The following MYBL1 variants were observed in gnomAD, a reference collection of about 807,000 sequenced individuals.
MYBL1 encodes MYB proto-oncogene like 1, also known as myb-related protein A.
A neutral mutation model predicts 96.3 loss-of-function variants in MYBL1; 17 were observed. The ratio of observed to expected loss-of-function variants is 0.18; its 90% CI spans 0.12 to 0.26. The LOEUF (loss-of-function observed/expected upper bound fraction) is 0.26. MYBL1 is among the 10% of genes least tolerant of loss of function. MYBL1 has a pLI of 1.00. For synonymous variants in MYBL1, 282 were observed against 292.7 expected, an observed-to-expected ratio of 0.96 and a Z score of 0.37; for missense variants, 701 against 882.9, an observed-to-expected ratio of 0.79 and a Z score of 2.61.
chr8:66,564,936 A>T, intron 15 of MYBL1, 111 bp from the exon 16 acceptor site: 2 of 614,916 alleles, frequency 3.3e-6, no homozygotes, highest in Non-Finnish European at 4.9e-6. Context: ...TATAAACAAT[A>T]ATTATAAAAA....
chr8:66,583,007 C>T (rs1563537063), intron 8 of MYBL1, among the ~76,000 whole-genome samples: 1 of 152,144 alleles, frequency 6.6e-6, no homozygotes, highest in Non-Finnish European at 1.5e-5. Context: ...ATGAGCCTAA[C>T]AGACATCTAC....
At chr8:66,601,572 C>A (rs2130007982) in intron 3 of MYBL1, 126 bp downstream of exon 3, 1 of 588,350 alleles carries the variant, frequency 1.7e-6, no homozygotes, top group Non-Finnish European at 3.0e-6. Flanking sequence ...CAGACCAAAC[C>A]AACAGGGATG....
intron 1 of MYBL1, chr8:66,612,599 G>A (rs1032238342): frequency 4.7e-6 from 2 of 425,520 alleles, no homozygotes; most frequent in Non-Finnish European, 8.0e-6. Context: ...GAGAAACCTG[G>A]GCATCTCTTA....
In MYBL1 at chr8:66,597,682, A is replaced by C. The variant is rs1428789713; in HGVS notation, c.292-132T>G. On this transcript the variant is annotated intron_variant, in intron 4 of 15. Transcript: ENST00000522677. ...TACAATTTGTTAAAAAAAAATTACCAATAAATACCCCTTTAGCATTTGCCA... is the reference window on the plus strand; with the variant it reads ...TACAATTTGTTAAAAAAAAATTACCCATAAATACCCCTTTAGCATTTGCCA... 5 of 617,042 alleles carry C rather than the reference A, an allele frequency of 8.1e-6. No homozygotes were observed. The Admixed American group carries it at 1.3e-4, about 16-fold the overall frequency. The allele number at this position is 617,042 out of a possible 1,614,324, so 38.2% of individuals were successfully genotyped here.
chr8:66,589,403 CCT>C (rs903873405), intron 8 of MYBL1, among the ~76,000 whole-genome samples: 2 of 151,954 alleles, frequency 1.3e-5, no homozygotes, highest in Admixed American at 6.6e-5. Flanking sequence ...GCCTCAAACC[CCT>C]GAGCTTAAAC....
chr8:66,612,790 C>T, intron 1 of MYBL1, 29 bp downstream of exon 1: 2 of 1,352,428 alleles, frequency 1.5e-6, no homozygotes, highest in Non-Finnish European at 1.9e-6. Flanking sequence ...ACGGCGCCGA[C>T]AGGCCTGGGC....
intron 3 of MYBL1, among the ~76,000 whole-genome samples, chr8:66,599,799 C>A (rs1809996778): frequency 1.3e-5 from 2 of 149,894 alleles, no homozygotes; most frequent in Admixed American, 1.3e-4. Flanking sequence ...AAACTCTCAT[C>A]TCAAAAAAAA....
rs898478804 is a variant in MYBL1 at position 66,563,885 on chromosome 8, T to C, written c.*812A>G. ...CAAAATTATTCTTTACTGTGTTAGC[T>C]GTAATAACAGGAAACAACATTGGCT... On this transcript the variant is annotated 3_prime_UTR_variant, in exon 16 of 16. Coordinates refer to ENST00000522677, the MANE Select transcript of MYBL1 (RefSeq NM_001080416.4). 3.3e-5 allele frequency: 5 copies of C among 152,490 alleles called. No individual in the cohort carries two copies. The highest frequency in any genetic ancestry group is 7.2e-5 in the African/African-American group (3 of 41,442). 9.4% of individuals were successfully genotyped at this position (152,490 alleles called of 1,614,324 possible). A position where few individuals can be genotyped will look rare whatever the true frequency, so the allele number is the denominator to read the frequency against.
chr8:66,613,063 C>T lies in MYBL1; in HGVS notation c.-225G>A, dbSNP rs1333509034. On this transcript the variant is annotated 5_prime_UTR_variant, in exon 1 of 16. Transcript: ENST00000522677. ...CCGCAGCGCCGCTCTTAGCCCCGGC[C>T]CGGCCCGGCCAGGGATACCCCCAAC... The T allele has an allele frequency of 7.0e-6, 3 of 430,894 alleles. No individual in the cohort carries two copies. In the East Asian group the frequency reaches 1.1e-4, roughly 15 times the overall value. 26.7% of individuals were successfully genotyped at this position (430,894 alleles called of 1,614,324 possible).
At chr8:66,609,958 G>A (rs1810465652) in intron 1 of MYBL1, among the ~76,000 whole-genome samples, 1 of 151,850 alleles carries the variant, frequency 6.6e-6, no homozygotes, top group Non-Finnish European at 1.5e-5. Flanking sequence ...AGTAAAATTG[G>A]TTCCTATACA....
intron 1 of MYBL1, among the ~76,000 whole-genome samples, chr8:66,610,841 C>T (rs946459694): frequency 2.6e-5 from 4 of 152,158 alleles, no homozygotes; most frequent in Non-Finnish European, 5.9e-5. Context: ...TTTCTCCCCA[C>T]ATCCTCTATC....
intron 8 of MYBL1, among the ~76,000 whole-genome samples, chr8:66,585,557 A>T (rs1809383775): frequency 6.6e-6 from 1 of 152,130 alleles, no homozygotes; most frequent in Non-Finnish European, 1.5e-5. Context: ...CCTGGCCAAC[A>T]TGGTGAAACC....
chr8:66,599,731 T>C (rs28432871), intron 3 of MYBL1, among the ~76,000 whole-genome samples: 20,235 of 150,766 alleles, frequency 0.13, 3,213 homozygotes, highest in African/African-American at 0.38. Context: ...ACCCAGGAGG[T>C]GGAGGTTGCG....
At chr8:66,598,984 C>A in intron 4 of MYBL1, 66 bp downstream of exon 4, 1 of 1,064,980 alleles carries the variant, frequency 9.4e-7, no homozygotes. Context: ...TATGTCAAAA[C>A]AACACATTAA....
chr8:66,599,598 C>T lies in MYBL1; in HGVS notation c.199-456G>A, dbSNP rs150831789. Reference sequence around the variant, plus strand: ...GGTGGATCACCTGAGGTCTGGAGTTCGAGACCAGCCTGACCAACATGGAGA... The same window carrying T: ...GGTGGATCACCTGAGGTCTGGAGTTTGAGACCAGCCTGACCAACATGGAGA... On this transcript the variant is annotated intron_variant, in intron 3 of 15. Transcript: ENST00000522677. Among the ~76,000 whole-genome samples, 25 of 152,116 alleles carry T rather than the reference C, an allele frequency of 1.6e-4. No individual in the cohort carries two copies. The East Asian group carries it at 4.4e-3, about 27-fold the overall frequency.
intron 8 of MYBL1, among the ~76,000 whole-genome samples, chr8:66,585,033 A>T (rs1401792246): frequency 6.6e-6 from 1 of 152,208 alleles, no homozygotes; most frequent in Non-Finnish European, 1.5e-5. Context: ...AGTAGCAAAA[A>T]CAATGCTAAA....
Position 66,576,315 on chromosome 8 carries a change from T to C in MYBL1, c.1162A>G (p.Ile388Val), listed in dbSNP as rs1318508920. The change falls in exon 10 of 16, where the codon ATC (isoleucine) becomes GTC (valine). Residue 388 changes from isoleucine (I) to valine (V), a missense_variant. Ile to Val is a conservative substitution (Grantham distance 29, BLOSUM62 3). This residue lies in a region of MYBL1 where 396 missense variants were observed against 407.4 expected (regional missense o/e 0.97). Coordinates refer to ENST00000522677, the MANE Select transcript of MYBL1 (RefSeq NM_001080416.4). Reference protein sequence around the residue: ...FDISDAAASPIKSTPVKLMRI... With the variant: ...FDISDAAASPVKSTPVKLMRI... ...ATTAATTTAACTGGGGTGGATTTGA[T>C]AGGAGAAGCAGCAGCATCAGAAATA... 6.2e-7 allele frequency: 1 copy of C among 1,613,940 alleles called. No homozygotes were observed. The highest frequency in any genetic ancestry group is 1.3e-5 in the African/African-American group (1 of 75,048).
chr8:66,604,093 C>T (rs1174021200), intron 1 of MYBL1, among the ~76,000 whole-genome samples: 1 of 151,928 alleles, frequency 6.6e-6, no homozygotes, highest in African/African-American at 2.4e-5. Context: ...CGAACACACA[C>T]ATAGATAAAT....
In MYBL1 at chr8:66,601,776, A is replaced by G; in HGVS notation, c.127-7T>C. 6.9e-7 allele frequency: 1 copy of G among 1,459,588 alleles called. No homozygotes were observed. Among genetic ancestry groups the G allele is most frequent in the Non-Finnish European group, 9.3e-7 (1 of 1,070,880 alleles). The allele number at this position is 1,459,588 out of a possible 1,614,324, so 90.4% of individuals were successfully genotyped here. A position where few individuals can be genotyped will look rare whatever the true frequency, so the allele number is the denominator to read the frequency against. On this transcript the variant is annotated splice_polypyrimidine_tract_variant and splice_region_variant and intron_variant, in intron 2 of 15. Transcript: ENST00000522677. ...ACTTCTTTAATTTATCATCCTATTA[A>G]AACAGTACAAAAATTAGAAAGCTTT...
Sources: gnomAD v4.1 joint callset for allele counts (sites outside exome capture counted in the v4.1 genomes callset) on GRCh38, gnomAD v4.1.1 for gene constraint, gnomAD v4.1.1 regional missense constraint, MANE v1.5 for transcripts, NCBI Gene and HGNC (gene_info 2026-07-23, HGNC 2026-07-21) for gene names.